The following ITGB2 variants were observed in gnomAD, a reference collection of about 807,000 sequenced individuals.
ITGB2 encodes integrin beta-2.
In ITGB2, 56 loss-of-function variants were observed where a neutral mutation model predicts 86.8. The observed-to-expected ratio is 0.65, with a 90% confidence interval of 0.52 to 0.81. The LOEUF is 0.81. ITGB2 is among the 30% of genes least tolerant of loss of function. ITGB2 has a pLI of 0.00. For missense variants in ITGB2, 948 were observed against 1,061.2 expected (o/e 0.89, Z 1.48); for synonymous variants, 457 against 450.4 (o/e 1.01, Z -0.19).
At chr21:44,910,660 C>T in intron 2 of ITGB2, 65 bp downstream of exon 2, 5 of 1,566,716 alleles carry the variant, frequency 3.2e-6, no homozygotes, top group Non-Finnish European at 4.4e-6. Context: ...AAAGTGAGGG[C>T]AGGCCCTGTT....
chr21:44,905,734 C>T (rs377290066), intron 4 of ITGB2, among the ~76,000 whole-genome samples: 1 of 152,116 alleles, frequency 6.6e-6, no homozygotes. Context: ...TCCCCTGCTG[C>T]CCCCAGGGAC....
At chr21:44,888,297 A>G (rs235377) in intron 14 of ITGB2, among the ~76,000 whole-genome samples, 106,350 of 152,196 alleles carry the variant, frequency 0.7, 38,566 homozygotes, top group African/African-American at 0.9. Flanking sequence ...ATCCCCTCAA[A>G]GGAGCCTCAC....
chr21:44,904,702 C>G (rs1190195161), intron 4 of ITGB2, among the ~76,000 whole-genome samples: 1 of 151,830 alleles, frequency 6.6e-6, no homozygotes, highest in Non-Finnish European at 1.5e-5. Context: ...CACACATGCA[C>G]TCACATACAC....
Position 44,909,680 on chromosome 21 carries a change from T to C in ITGB2, c.147+604A>G, listed in dbSNP as rs190229207. 4.4e-4 allele frequency among the ~76,000 whole-genome samples: 67 copies of C among 152,308 alleles called. 1 individual carries two copies. Among genetic ancestry groups the C allele is most frequent in the Admixed American group, 3.5e-3 (54 of 15,294 alleles). On this transcript the variant is annotated intron_variant, in intron 3 of 15. Coordinates refer to ENST00000652462, the MANE Select transcript of ITGB2 (RefSeq NM_000211.5). ...GGAAAATATGCTCACGAAGACATCA[T>C]TGGGACAACCAATAAAATATGCGTA...
At chr21:44,919,238 C>A (rs574884247) in intron 1 of ITGB2, among the ~76,000 whole-genome samples, 1 of 152,152 alleles carries the variant, frequency 6.6e-6, no homozygotes, top group Non-Finnish European at 1.5e-5. Context: ...CGGGGACTGG[C>A]CCTGGGGCCG....
In ITGB2 at chr21:44,886,173, C is replaced by G. The variant is rs1324159820; in HGVS notation, c.*195G>C. 1.1e-5 allele frequency: 7 copies of G among 631,902 alleles called. No homozygotes were observed. The East Asian group carries it at 2.0e-4, about 18-fold the overall frequency. The allele number at this position is 631,902 out of a possible 1,614,324, so 39.1% of individuals were successfully genotyped here. A position where few individuals can be genotyped will look rare whatever the true frequency, so the allele number is the denominator to read the frequency against. On this transcript the variant is annotated 3_prime_UTR_variant, in exon 16 of 16. Coordinates refer to ENST00000652462, the MANE Select transcript of ITGB2 (RefSeq NM_000211.5). Reference sequence around the variant, plus strand: ...CTCAAGTCTCCATGCAAAGACTGTGCCAGTCAGAGTGGAGCTGTCCCCCCG... The same window carrying G: ...CTCAAGTCTCCATGCAAAGACTGTGGCAGTCAGAGTGGAGCTGTCCCCCCG...
At chr21:44,914,544 G>A (rs1306329608) in intron 1 of ITGB2, among the ~76,000 whole-genome samples, 11 of 152,206 alleles carry the variant, frequency 7.2e-5, no homozygotes. Context: ...CACGAAAGCG[G>A]CGTCAGAAGA....
rs2280965 is a variant in ITGB2, at chr21:44,910,713, C to T, written c.58+12G>A. On this transcript the variant is annotated intron_variant, in intron 2 of 15. Coordinates refer to ENST00000652462, the MANE Select transcript of ITGB2 (RefSeq NM_000211.5). ...CACGCGTGGAGTCCCCTCCGTGGAA[C>T]ACAGAACTCACCGCACCCGAGGGAG... 174,548 of 1,613,020 alleles carry T rather than the reference C, an allele frequency of 0.11. 11,209 individuals are homozygous for T. Among genetic ancestry groups the T allele is most frequent in the East Asian group, 0.28 (12,568 of 44,816 alleles).
At chr21:44,907,394 C>A (rs969050091) in intron 3 of ITGB2, among the ~76,000 whole-genome samples, 1 of 152,232 alleles carries the variant, frequency 6.6e-6, no homozygotes, top group Non-Finnish European at 1.5e-5. Context: ...AGAGGAGAGG[C>A]CTCAGCGTCC....
At chr21:44,900,185 G>A in intron 7 of ITGB2, 135 bp downstream of exon 7, 2 of 1,218,868 alleles carry the variant, frequency 1.6e-6, no homozygotes, top group Non-Finnish European at 2.4e-6. Context: ...CTGCCACTTG[G>A]GGCTTCCAGA....
At chr21:44,894,926 G>A in intron 9 of ITGB2, 45 bp downstream of exon 9, 3 of 1,327,688 alleles carry the variant, frequency 2.3e-6, no homozygotes, top group Non-Finnish European at 2.2e-6. Context: ...TGGGGAGATT[G>A]CTGGCCACCC....
chr21:44,899,030 C>T (rs769328714), intron 8 of ITGB2, 37 bp downstream of exon 8: 2 of 1,519,806 alleles, frequency 1.3e-6, no homozygotes, highest in African/African-American at 1.4e-5. Flanking sequence ...GAAACATGCC[C>T]CCACCCAATG....
At chr21:44,916,596 G>GCC in intron 1 of ITGB2, among the ~76,000 whole-genome samples, 2 of 152,188 alleles carry the variant, frequency 1.3e-5, no homozygotes, top group Middle Eastern at 6.8e-3. Flanking sequence ...GGCCGGGCAT[G>GCC]GTGGCTCATG....
chr21:44,919,980 GA>G (rs1568910922), intron 1 of ITGB2, among the ~76,000 whole-genome samples: 1 of 152,180 alleles, frequency 6.6e-6, no homozygotes, highest in Non-Finnish European at 1.5e-5. Context: ...AGGACCTTGG[GA>G]ATGGCCTCCA....
Position 44,888,679 on chromosome 21 carries a change from C to G in ITGB2, c.2080+14G>C, listed in dbSNP as rs772501506. ...GCTCTGGAGCCGGTCCCCGCTGCAC[C>G]CCAGCGGCCTCACCTCGGCTCTCAT... On this transcript the variant is annotated intron_variant, in intron 14 of 15. Transcript: ENST00000652462. 1.2e-6 allele frequency: 2 copies of G among 1,605,024 alleles called. No homozygotes were observed. Among genetic ancestry groups the G allele is most frequent in the Admixed American group, 3.3e-5 (2 of 60,028 alleles).
intron 1 of ITGB2, among the ~76,000 whole-genome samples, chr21:44,927,165 G>C (rs1046807987): frequency 3.3e-5 from 5 of 152,192 alleles, no homozygotes; most frequent in African/African-American, 1.2e-4. Flanking sequence ...TGACAGGTGG[G>C]ATTCTGGAAG....
At chr21:44,905,475 C>T (rs541645043) in intron 4 of ITGB2, among the ~76,000 whole-genome samples, 2 of 152,170 alleles carry the variant, frequency 1.3e-5, no homozygotes, top group East Asian at 1.9e-4. Context: ...CCCTCCAGGA[C>T]GATCCTTCCT....
intron 6 of ITGB2, among the ~76,000 whole-genome samples, chr21:44,900,696 T>C (rs2083942012): frequency 6.6e-6 from 1 of 150,904 alleles, no homozygotes; most frequent in Admixed American, 6.6e-5. Context: ...GCGCAGGGAG[T>C]GGAGGCACGT....
At chr21:44,889,611 T>C in intron 12 of ITGB2, 116 bp from the exon 13 acceptor site, 1 of 1,027,038 alleles carries the variant, frequency 9.7e-7, no homozygotes. Context: ...CTGGGGGATG[T>C]TCCTGAGCAA....
Sources: gnomAD v4.1 joint callset for allele counts (sites outside exome capture counted in the v4.1 genomes callset) on GRCh38, gnomAD v4.1.1 for gene constraint, MANE v1.5 for transcripts, NCBI Gene and HGNC (gene_info 2026-07-23, HGNC 2026-07-21) for gene names.